Variants in VRK2 observed in about 807,000 individuals in gnomAD.
VRK2 encodes VRK serine/threonine kinase 2.
Under a neutral mutation model 57.6 loss-of-function variants are expected in VRK2, and 60 were observed. The ratio of observed to expected loss-of-function variants is 1.04; its 90% CI spans 0.85 to 1.29. VRK2 has a LOEUF of 1.29. Among genes scored for constraint, VRK2 ranks in the 50% most tolerant of loss-of-function variants. The probability of loss-of-function intolerance (pLI) is 0.00; values close to 1 mark genes in which losing one functional copy is unlikely to be tolerated. For synonymous variants in VRK2, 231 were observed against 199.2 expected (o/e 1.16, Z -1.35); for missense variants, 705 against 588.1 (o/e 1.20, Z -2.06).
At chr2:57,999,283 G>A (rs1223943766) in intron 1 of VRK2, among the ~76,000 whole-genome samples, 2 of 152,128 alleles carry the variant, frequency 1.3e-5, no homozygotes, top group Non-Finnish European at 2.9e-5. Context: ...CAATCAAATA[G>A]TAGTTCCTTC....
At chr2:58,007,325 T>C (rs907692214) in intron 1 of VRK2, among the ~76,000 whole-genome samples, 2 of 151,906 alleles carry the variant, frequency 1.3e-5, no homozygotes, top group African/African-American at 4.8e-5. Flanking sequence ...TGGAAAATCG[T>C]GGCTAACAGA....
chr2:57,944,292 T>C (rs899706391), intron 1 of VRK2, among the ~76,000 whole-genome samples: 12 of 152,182 alleles, frequency 7.9e-5, no homozygotes, highest in African/African-American at 2.9e-4. Flanking sequence ...TACCAACAGA[T>C]AAACAATAAT....
intron 2 of VRK2, among the ~76,000 whole-genome samples, chr2:58,073,636 TTATATA>T (rs1205697238): frequency 5.6e-4 from 65 of 116,910 alleles, no homozygotes; most frequent in African/African-American, 1.3e-3. Context: ...ACTAATAGGA[TTATATA>T]TATATATATA....
intron 1 of VRK2, among the ~76,000 whole-genome samples, chr2:57,914,846 G>C (rs1363918685): frequency 6.6e-6 from 1 of 151,928 alleles, no homozygotes; most frequent in Non-Finnish European, 1.5e-5. Flanking sequence ...GCAAACCCAG[G>C]AACAGAGTAA....
At chr2:58,108,048 A>G (rs868534484) in intron 7 of VRK2, among the ~76,000 whole-genome samples, 21 of 152,248 alleles carry the variant, frequency 1.4e-4, no homozygotes, top group Non-Finnish European at 2.6e-4. Context: ...ATAAACGGAC[A>G]AACCAGGAAC....
intron 2 of VRK2, among the ~76,000 whole-genome samples, chr2:58,081,971 T>G (rs2104116998): frequency 6.6e-6 from 1 of 151,768 alleles, no homozygotes; most frequent in Non-Finnish European, 1.5e-5. Context: ...ATTAATTGAA[T>G]ATTTATTCTA....
At chr2:58,032,516 G>T (rs574699675) in intron 2 of VRK2, among the ~76,000 whole-genome samples, 1 of 152,010 alleles carries the variant, frequency 6.6e-6, no homozygotes, top group Non-Finnish European at 1.5e-5. Context: ...ATCTTCCAAA[G>T]GTCCCACCTG....
intron 1 of VRK2, among the ~76,000 whole-genome samples, chr2:57,973,837 G>A (rs1672167930): frequency 6.6e-6 from 1 of 151,776 alleles, no homozygotes; most frequent in Non-Finnish European, 1.5e-5. Flanking sequence ...AGCAGCTGAG[G>A]CCAATATCTA....
intron 2 of VRK2, among the ~76,000 whole-genome samples, chr2:58,058,119 G>T (rs1384167708): frequency 6.6e-6 from 1 of 152,090 alleles, no homozygotes; most frequent in Non-Finnish European, 1.5e-5. Context: ...ATAGAACACT[G>T]AGAGGCAAGG....
chr2:58,046,070 C>T (rs1024087040), upstream of VRK2, among the ~76,000 whole-genome samples: 1 of 152,144 alleles, frequency 6.6e-6, no homozygotes, highest in African/African-American at 2.4e-5. Context: ...GTCTCAAACT[C>T]CTGACCTCAG....
intron 1 of VRK2, among the ~76,000 whole-genome samples, chr2:57,998,458 G>A (rs1672992248): frequency 6.6e-6 from 1 of 151,942 alleles, no homozygotes; most frequent in South Asian, 2.1e-4. Flanking sequence ...TGTTAATCTG[G>A]GAGATAATTT....
At chr2:58,068,521 CTATTG>C (rs1211971240) in intron 2 of VRK2, among the ~76,000 whole-genome samples, 1 of 151,872 alleles carries the variant, frequency 6.6e-6, no homozygotes, top group Non-Finnish European at 1.5e-5. Context: ...TGGGTTTATC[CTATTG>C]GGGGTTCTTT....
chr2:58,070,965 C>T (rs1008897077), intron 2 of VRK2, among the ~76,000 whole-genome samples: 13 of 152,086 alleles, frequency 8.5e-5, no homozygotes, highest in Middle Eastern at 3.2e-3. Flanking sequence ...TGCATCCTTG[C>T]CAGCATTTAG....
rs180936439 is a variant in VRK2, at chr2:58,038,854, A to G, written c.-6+5301A>G. On this transcript the variant is annotated intron_variant, in intron 3 of 15. Coordinates refer to the VRK2 transcript ENST00000417641. ...TTAATATGCAAGCCTCAACCACACA[A>G]CCTCAGCCACTACTACAGGTGCTGA... Among the ~76,000 whole-genome samples, 19 of 152,178 alleles carry G rather than the reference A, an allele frequency of 1.2e-4. No individual in the cohort carries two copies. In the East Asian group the frequency reaches 3.5e-3, roughly 28 times the overall value.
chr2:58,032,941 G>C (rs116380454), intron 2 of VRK2, among the ~76,000 whole-genome samples: 7,467 of 152,136 alleles, frequency 0.049, 254 homozygotes, highest in Non-Finnish European at 0.075. Flanking sequence ...TTGTGTGTGG[G>C]TGTTCTGTCT....
intron 3 of VRK2, chr2:58,041,176 G>T: frequency 1.8e-6 from 1 of 556,780 alleles, no homozygotes; most frequent in Non-Finnish European, 2.3e-6. Context: ...CTTTTGGCTA[G>T]TCAATATTTG....
intron 8 of VRK2, among the ~76,000 whole-genome samples, chr2:58,125,993 A>G (rs1484907937): frequency 6.6e-6 from 1 of 152,146 alleles, no homozygotes; most frequent in Non-Finnish European, 1.5e-5. Context: ...AAACAATGCC[A>G]TAAAGCCTAT....
rs1573117331 is a variant in VRK2, at chr2:58,103,760, A to G, written c.543+14037A>G. Among the ~76,000 whole-genome samples the G allele has an allele frequency of 2.0e-5, 3 of 151,774 alleles. No individual in the cohort carries two copies. The South Asian group carries it at 6.2e-4, about 31-fold the overall frequency. ...TAGTTCATTCTACAAAGCCAGTGTG[A>G]CCCTTATACCAAAGCTAAACAAGGA... On this transcript the variant is annotated intron_variant, in intron 7 of 12. Transcript: ENST00000340157.
chr2:58,137,195 T>TC (rs1553422439), intron 10 of VRK2, among the ~76,000 whole-genome samples: 1 of 23,070 alleles, frequency 4.3e-5, no homozygotes, highest in Non-Finnish European at 8.2e-5. Flanking sequence ...ATATGATACA[T>TC]ATATATCTCA....
Sources: gnomAD v4.1 joint callset for allele counts (sites outside exome capture counted in the v4.1 genomes callset) on GRCh38, gnomAD v4.1.1 for gene constraint, MANE v1.5 for transcripts, NCBI Gene and HGNC (gene_info 2026-07-23, HGNC 2026-07-21) for gene names.